NEB: variants seen among roughly 807,000 people sequenced by gnomAD.
NEB encodes the protein nemaline myopathy type 2.
A neutral mutation model predicts 952.2 loss-of-function variants in NEB; 512 were observed. The observed-to-expected ratio is 0.54, with a 90% CI of 0.50 to 0.58. NEB has a LOEUF of 0.58. NEB is among the 20% of genes least tolerant of loss of function. The pLI is 0.00. For synonymous variants in NEB, 2,900 were observed against 3,149.8 expected (o/e 0.92, Z 2.66); for missense variants, 8,428 against 9,231.1 (o/e 0.91, Z 3.56).
chr2:151,706,939 G>C lies in NEB; in HGVS notation c.1094C>G (p.Pro365Arg). ...NKGKADYNVL[P>R]ASENPQLRQL... ...CCTAAGCTGTGGGTTCTCTGAAGCA[G>C]GAAGCACATTATAATCTGCTTTTCC... The change falls in exon 13 of 182, where the codon CCT (proline) becomes CGT (arginine). Residue 365 changes from proline (P) to arginine (R), a missense_variant. Around this residue, in one of 11 missense-constraint regions of NEB, gnomAD observed 2,851 missense variants for 2,791.5 expected, o/e 1.02. Coordinates refer to ENST00000397345, the MANE Select transcript of NEB (RefSeq NM_001164508.2). The C allele has an allele frequency of 6.2e-7, 1 of 1,606,114 alleles. No homozygotes were observed. Among genetic ancestry groups the C allele is most frequent in the Non-Finnish European group, 8.5e-7 (1 of 1,175,690 alleles).
chr2:151,724,544 G>A (rs1204763861), intron 7 of NEB, among the ~76,000 whole-genome samples, 180 bp from the exon 8 acceptor site: 1 of 152,176 alleles, frequency 6.6e-6, no homozygotes, highest in Non-Finnish European at 1.5e-5. Flanking sequence ...GCTTTTGATT[G>A]AAAATTCTAA....
At chr2:151,672,903 C>T (rs1301352923) in intron 36 of NEB, among the ~76,000 whole-genome samples, 1 of 152,174 alleles carries the variant, frequency 6.6e-6, no homozygotes, top group Non-Finnish European at 1.5e-5. Context: ...GCTATGACTC[C>T]TACAGATAAT....
In NEB at chr2:151,578,035, T is replaced by C. The variant is rs138505166; in HGVS notation, c.16704+1303A>G. On this transcript the variant is annotated intron_variant, in intron 105 of 181. Coordinates refer to ENST00000397345, the MANE Select transcript of NEB (RefSeq NM_001164508.2). ...TGGTCTCCAGAAACTGTCTTAAATA[T>C]ACCACTTGGCAATGCATTTTAAGTG... is the stretch of plus-strand genomic sequence containing the variant. 4.2e-3 allele frequency among the ~76,000 whole-genome samples: 642 copies of C among 152,334 alleles called. 4 individuals are homozygous for C. Among genetic ancestry groups the C allele is most frequent in the Non-Finnish European group, 7.1e-3 (480 of 68,026 alleles).
chr2:151,560,574 T>A lies in NEB; in HGVS notation c.19314+18A>T. On this transcript the variant is annotated intron_variant, in intron 124 of 181. Coordinates refer to ENST00000397345, the MANE Select transcript of NEB (RefSeq NM_001164508.2). ...GGGAGGGAGGGTGGGAAAGCTGTCA[T>A]GTTTTTGCTTTACTTACATGGCTGG... 4 of 1,579,622 alleles carry A rather than the reference T, an allele frequency of 2.5e-6. No homozygotes were observed. Among genetic ancestry groups the A allele is most frequent in the Non-Finnish European group, 3.5e-6 (4 of 1,156,050 alleles).
At chr2:151,500,665 C>T (rs1390170017) in intron 168 of NEB, among the ~76,000 whole-genome samples, 7 of 146,168 alleles carry the variant, frequency 4.8e-5, no homozygotes, top group Admixed American at 2.8e-4. Context: ...GGCACAATCA[C>T]GGCTCACTGC....
In NEB at chr2:151,537,889, T is replaced by C; in HGVS notation, c.21085A>G (p.Thr7029Ala). 1.2e-6 allele frequency: 2 copies of C among 1,610,142 alleles called. No homozygotes were observed. The highest frequency in any genetic ancestry group is 2.2e-5 in the East Asian group (1 of 44,784). Reference protein sequence around the residue: ...RPEHFHHRAVTDTVSDVKYKE... With the variant: ...RPEHFHHRAVADTVSDVKYKE... ...ACACTCACATCACTGACTGTGTCAG[T>C]GACTGCTCGGTGGTGGAAATGCTCT... Residue 7029 changes from threonine (T) to alanine (A), a missense_variant, in exon 140 of 182, where the codon ACT becomes GCT. Physicochemically the swap from Thr to Ala is moderately conservative, Grantham distance 58 (BLOSUM62 0). Around this residue, in one of 11 missense-constraint regions of NEB, gnomAD observed 3,374 missense variants for 3,651.5 expected, o/e 0.92. Transcript: ENST00000397345.
chr2:151,538,109 CCAACA>C lies in NEB; in HGVS notation c.20997+26_20997+30del, dbSNP rs763250379. On this transcript the variant is annotated intron_variant, in intron 139 of 181. Transcript: ENST00000397345. ...ATATGTATATGGTGAGTTGTAGAGC[CCAACA>C]CAAGTAGAAATATTTAGGGACATAC... The C allele has an allele frequency of 3.2e-6, 5 of 1,554,892 alleles. No homozygotes were observed. In the African/African-American group the frequency reaches 6.8e-5, roughly 21 times the overall value.
intron 16 of NEB, 97 bp from the exon 17 acceptor site, chr2:151,696,832 A>G (rs1475514153): frequency 2.4e-6 from 2 of 839,152 alleles, no homozygotes; most frequent in African/African-American, 3.4e-5. Flanking sequence ...CCCACAAAGC[A>G]ATGAAACTTG....
chr2:151,644,744 A>G (rs927225557), intron 55 of NEB, among the ~76,000 whole-genome samples, 169 bp from the exon 56 acceptor site: 1 of 152,228 alleles, frequency 6.6e-6, no homozygotes, highest in Non-Finnish European at 1.5e-5. Flanking sequence ...TCCTGTTTTA[A>G]ACTTTAAAGC....
chr2:151,685,092 T>C, intron 27 of NEB, 117 bp from the exon 28 acceptor site: 2 of 1,124,436 alleles, frequency 1.8e-6, no homozygotes, highest in Non-Finnish European at 2.5e-6. Context: ...ATCTGAGTAG[T>C]TATTTTGCCC....
At chr2:151,505,409 A>G (rs775095372) in intron 165 of NEB, 69 bp downstream of exon 165, 39 of 1,294,856 alleles carry the variant, frequency 3.0e-5, no homozygotes, top group Non-Finnish European at 4.2e-5. Flanking sequence ...CAGAAAGATG[A>G]GAGAGCACCA....
At chr2:151,683,483 A>G (rs944563971) in intron 28 of NEB, among the ~76,000 whole-genome samples, 5 of 152,232 alleles carry the variant, frequency 3.3e-5, no homozygotes, top group African/African-American at 9.6e-5. Flanking sequence ...CATTTTAAGT[A>G]GAATGGAAAA....
At chr2:151,672,909 A>G (rs958221356) in intron 36 of NEB, among the ~76,000 whole-genome samples, 19 of 152,246 alleles carry the variant, frequency 1.2e-4, no homozygotes, top group Non-Finnish European at 2.8e-4. Flanking sequence ...ACTCCTACAG[A>G]TAATTTGCAT....
intron 8 of NEB, among the ~76,000 whole-genome samples, chr2:151,723,750 GTTTTTTTTTTTTTTT>G (rs11308757): frequency 5.8e-5 from 3 of 51,364 alleles, no homozygotes; most frequent in Non-Finnish European, 7.4e-5. Flanking sequence ...TGCCTTCTTT[GTTTTTTTTTTTTTTT>G]TTTTTTTTTG....
At chr2:151,688,264 C>G (rs2099518513) in intron 25 of NEB, 28 bp downstream of exon 25, 4 of 1,498,016 alleles carry the variant, frequency 2.7e-6, no homozygotes, top group Non-Finnish European at 3.7e-6. Context: ...GTACACCAAA[C>G]ATAGGCTTCT....
At chr2:151,699,054 T>C (rs2099624286) in intron 13 of NEB, among the ~76,000 whole-genome samples, 1 of 139,568 alleles carries the variant, frequency 7.2e-6, no homozygotes, top group Non-Finnish European at 1.5e-5. Context: ...GATATTCCCC[T>C]TCCTGTGTCC....
At chr2:151,668,997 C>T (rs780777372) in intron 39 of NEB, 30 bp downstream of exon 39, 68 of 1,468,542 alleles carry the variant, frequency 4.6e-5, no homozygotes, top group South Asian at 8.5e-5. Context: ...GGCCCGCATA[C>T]GCAATATTAG....
Position 151,570,218 on chromosome 2 carries a change from G to C in NEB, c.17293C>G (p.Leu5765Val). 3 of 1,613,824 alleles carry C rather than the reference G, an allele frequency of 1.9e-6. No homozygotes were observed. The highest frequency in any genetic ancestry group is 2.5e-6 in the Non-Finnish European group (3 of 1,179,828). Reference sequence around the variant, plus strand: ...GAATTTTTAGAGTGCAGGATGGAAAGCATGTCCACAGGGCTCTGGATCTTG... The same window carrying C: ...GAATTTTTAGAGTGCAGGATGGAAACCATGTCCACAGGGCTCTGGATCTTG... The part of the protein sequence containing the change: ...KAKIQSPVDM[L>V]SILHSKNSQA... Residue 5765 changes from leucine to valine, a missense_variant, in exon 109 of 182, where the codon CTT becomes GTT. Physicochemically the swap from Leu to Val is conservative, Grantham distance 32 (BLOSUM62 1). Around this residue, in one of 11 missense-constraint regions of NEB, gnomAD observed 3,374 missense variants for 3,651.5 expected, o/e 0.92. Coordinates refer to ENST00000397345, the MANE Select transcript of NEB (RefSeq NM_001164508.2).
At chr2:151,505,776 C>A (rs2068360212) in intron 164 of NEB, among the ~76,000 whole-genome samples, 1 of 152,170 alleles carries the variant, frequency 6.6e-6, no homozygotes, top group African/African-American at 2.4e-5. Context: ...TTGTCTCTCT[C>A]TCGTCTCTTT....
Sources: gnomAD v4.1 joint callset for allele counts (sites outside exome capture counted in the v4.1 genomes callset) on GRCh38, gnomAD v4.1.1 for gene constraint, gnomAD v4.1.1 regional missense constraint, MANE v1.5 for transcripts, NCBI Gene and HGNC (gene_info 2026-07-23, HGNC 2026-07-21) for gene names.